ATF6: variants seen among roughly 807,000 people sequenced by gnomAD.
The protein encoded by ATF6 is cyclic AMP-dependent transcription factor ATF-6 alpha.
In ATF6, 53 loss-of-function variants were observed where a neutral mutation model predicts 83.6. The observed-to-expected ratio is 0.63, with a 90% confidence interval of 0.51 to 0.80. The LOEUF is 0.80. Among genes scored for constraint, ATF6 ranks in the 30% least tolerant of loss-of-function variants. The pLI, the probability that ATF6 is intolerant of heterozygous loss-of-function variation, is 0.00. For synonymous variants in ATF6, 288 were observed against 285.8 expected (o/e 1.01, Z -0.08); for missense variants, 744 against 797.9 (o/e 0.93, Z 0.81).
chr1:161,857,969 G>A (rs1686800123), intron 12 of ATF6, among the ~76,000 whole-genome samples: 1 of 152,166 alleles, frequency 6.6e-6, no homozygotes, highest in South Asian at 2.1e-4. Flanking sequence ...GCCAGGCACG[G>A]TGGCTTGTGC....
chr1:161,785,728 C>T (rs956719963), intron 4 of ATF6, among the ~76,000 whole-genome samples: 1 of 152,016 alleles, frequency 6.6e-6, no homozygotes, highest in Non-Finnish European at 1.5e-5. Context: ...ATTGTTGACA[C>T]CAAGGTAAAT....
intron 15 of ATF6, among the ~76,000 whole-genome samples, chr1:161,923,474 TAGCAG>T (rs963664408): frequency 1.3e-5 from 2 of 152,210 alleles, no homozygotes; most frequent in Admixed American, 1.3e-4. Flanking sequence ...TTCTCCCACT[TAGCAG>T]AGCCTCTTCT....
At chr1:161,887,979 A>T (rs1571215328) in intron 14 of ATF6, among the ~76,000 whole-genome samples, 1 of 152,358 alleles carries the variant, frequency 6.6e-6, no homozygotes, top group East Asian at 1.9e-4. Context: ...TGCATTAAAT[A>T]ACTTTTTAAA....
intron 1 of ATF6, 141 bp downstream of exon 1, chr1:161,766,583 C>T (rs79784766): frequency 0.012 from 8,059 of 660,830 alleles, 75 homozygotes; most frequent in South Asian, 0.024. Flanking sequence ...CCTGTTCGTG[C>T]CCCTGGAAGA....
chr1:161,766,586 C>T (rs1309580455), intron 1 of ATF6, 144 bp downstream of exon 1: 1 of 643,626 alleles, frequency 1.6e-6, no homozygotes, highest in Non-Finnish European at 2.7e-6. Flanking sequence ...GTTCGTGCCC[C>T]TGGAAGAGTC....
At chr1:161,930,171 A>T (rs1335554879) in intron 15 of ATF6, among the ~76,000 whole-genome samples, 3 of 152,214 alleles carry the variant, frequency 2.0e-5, no homozygotes, top group Non-Finnish European at 4.4e-5. Flanking sequence ...AAGGCAAATA[A>T]ATTATGAGCT....
At chr1:161,917,019 T>C (rs1688114417) in intron 15 of ATF6, among the ~76,000 whole-genome samples, 1 of 152,230 alleles carries the variant, frequency 6.6e-6, no homozygotes, top group Non-Finnish European at 1.5e-5. Context: ...TTATCCAGCT[T>C]CTCCTCTTCT....
intron 14 of ATF6, among the ~76,000 whole-genome samples, chr1:161,904,682 A>G (rs752857012): frequency 2.0e-5 from 3 of 152,120 alleles, no homozygotes; most frequent in Non-Finnish European, 4.4e-5. Context: ...TTACTGTTCT[A>G]TTTATGATGA....
At chr1:161,892,659 G>A (rs1049733874) in intron 14 of ATF6, among the ~76,000 whole-genome samples, 2 of 137,662 alleles carry the variant, frequency 1.5e-5, no homozygotes, top group Admixed American at 7.7e-5. Flanking sequence ...AGATGGAGTC[G>A]CGCTCTGTCA....
In ATF6 at chr1:161,792,320, C is replaced by T. The variant is rs914950753; in HGVS notation, c.681C>T (p.Pro227=). The change falls in exon 6 of 16, where the codon CCC becomes CCT. Residue 227 remains proline, a synonymous_variant. Transcript: ENST00000367942. The stretch of plus-strand genomic sequence containing the variant: ...CAATTATCAGTTTACAACCTGCACC[C>T]ACTAAAGGTACCTGAGCAGAATTTA... ...QQPIISLQPA[P]TKGQTVLLSQ... 20 of 1,613,366 alleles carry T rather than the reference C, an allele frequency of 1.2e-5. No homozygotes were observed. The highest frequency in any genetic ancestry group is 1.7e-5 in the Non-Finnish European group (20 of 1,179,816).
chr1:161,854,743 G>T (rs1388186751), intron 12 of ATF6, among the ~76,000 whole-genome samples: 2 of 152,064 alleles, frequency 1.3e-5, no homozygotes, highest in African/African-American at 4.8e-5. Flanking sequence ...GTGGTGGCGG[G>T]TGCCTGTAGT....
intron 9 of ATF6, among the ~76,000 whole-genome samples, chr1:161,829,474 C>T (rs183832603): frequency 1.7e-3 from 254 of 152,180 alleles, no homozygotes; most frequent in African/African-American, 5.9e-3. Flanking sequence ...AGCACCACAT[C>T]GCACTTATTC....
intron 15 of ATF6, among the ~76,000 whole-genome samples, chr1:161,920,494 T>C (rs6683712): frequency 0.77 from 116,052 of 151,442 alleles, 44,994 homozygotes; most frequent in Middle Eastern, 0.81. Context: ...CGGGGTTTCA[T>C]GATGTTAGCC....
intron 12 of ATF6, among the ~76,000 whole-genome samples, chr1:161,859,196 A>G (rs1686827095): frequency 6.6e-6 from 1 of 152,190 alleles, no homozygotes; most frequent in African/African-American, 2.4e-5. Flanking sequence ...TTAGATTTTT[A>G]TAAAATGAGA....
rs977228566 is a variant in ATF6 at position 161,963,002 on chromosome 1, G to T, written c.*4348G>T. The T allele has an allele frequency of 6.6e-6, 1 of 152,084 alleles. No homozygotes were observed. Among genetic ancestry groups the T allele is most frequent in the African/African-American group, 2.4e-5 (1 of 41,400 alleles). The allele number at this position is 152,084 out of a possible 1,614,324, so 9.4% of individuals were successfully genotyped here. A position where few individuals can be genotyped will look rare whatever the true frequency, so the allele number is the denominator to read the frequency against. On this transcript the variant is annotated 3_prime_UTR_variant, in exon 16 of 16. Coordinates refer to ENST00000367942, the MANE Select transcript of ATF6 (RefSeq NM_007348.4). Reference sequence around the variant, plus strand: ...AGAGAATGAAATATAAGAAATGTTCGTTCCCACCCCTAATAACATTTGGAA... The same window carrying T: ...AGAGAATGAAATATAAGAAATGTTCTTTCCCACCCCTAATAACATTTGGAA...
intron 14 of ATF6, among the ~76,000 whole-genome samples, chr1:161,889,955 T>C (rs1229103521): frequency 6.6e-6 from 1 of 152,252 alleles, no homozygotes; most frequent in Non-Finnish European, 1.5e-5. Flanking sequence ...ACATGAATAC[T>C]GAACTCCCAT....
intron 15 of ATF6, among the ~76,000 whole-genome samples, chr1:161,953,466 G>T (rs1208459448): frequency 3.3e-5 from 5 of 152,064 alleles, no homozygotes; most frequent in East Asian, 3.9e-4. Context: ...AACTAGACAA[G>T]CTCTCCCTAT....
chr1:161,796,287 C>T (rs908382728), intron 6 of ATF6, among the ~76,000 whole-genome samples: 1 of 152,094 alleles, frequency 6.6e-6, no homozygotes, highest in Non-Finnish European at 1.5e-5. Context: ...ATATTTACAC[C>T]TCTTCTGTTC....
chr1:161,862,643 G>A (rs1215136568), intron 13 of ATF6, among the ~76,000 whole-genome samples: 2 of 152,130 alleles, frequency 1.3e-5, no homozygotes, highest in Non-Finnish European at 1.5e-5. Context: ...GGGTTGTGTG[G>A]TTATACTCTT....
Sources: allele counts gnomAD v4.1 joint callset (sites outside exome capture counted in the v4.1 genomes callset), GRCh38; gene constraint gnomAD v4.1.1; transcripts MANE v1.5; gene names NCBI Gene and HGNC (gene_info 2026-07-23, HGNC 2026-07-21).